PAN3: variants seen among roughly 807,000 people sequenced by gnomAD.
PAN3 encodes the protein PAN2-PAN3 deadenylation complex subunit PAN3.
Under a neutral mutation model 96.2 loss-of-function variants are expected in PAN3, and 19 were observed. The observed-to-expected ratio is 0.20, with a 90% CI of 0.14 to 0.29. PAN3 has a LOEUF of 0.29. PAN3 is among the 10% of genes least tolerant of loss of function. The probability of loss-of-function intolerance (pLI) is 1.00; values close to 1 mark genes in which losing one functional copy is unlikely to be tolerated. For missense variants in PAN3, 882 were observed against 1,108.1 expected (o/e 0.80, Z 2.90); for synonymous variants, 433 against 406.6 (o/e 1.06, Z -0.78).
chr13:28,271,731 G>A (rs1006902648), intron 13 of PAN3, among the ~76,000 whole-genome samples: 3 of 152,174 alleles, frequency 2.0e-5, no homozygotes, highest in Admixed American at 1.3e-4. Context: ...TTAGTCAAGA[G>A]ATGTGAGTTA....
At chr13:28,141,443 ATTTTCTTTTTCTTTTTTTCT>A (rs1375920512) in intron 1 of PAN3, among the ~76,000 whole-genome samples, 5 of 117,564 alleles carry the variant, frequency 4.3e-5, no homozygotes, top group Admixed American at 8.7e-5. Flanking sequence ...TCATTCTAGG[ATTTTCTTTTTCTTTTTTTCT>A]TTTTTTTTTT....
At chr13:28,219,427 C>T (rs1308812413) in intron 5 of PAN3, among the ~76,000 whole-genome samples, 1 of 151,784 alleles carries the variant, frequency 6.6e-6, no homozygotes, top group East Asian at 1.9e-4. Context: ...GAACTCTTAA[C>T]TCATTCAAAT....
chr13:28,212,386 CAAG>C (rs549072455), intron 5 of PAN3, among the ~76,000 whole-genome samples: 272 of 152,028 alleles, frequency 1.8e-3, no homozygotes, highest in African/African-American at 6.2e-3. Flanking sequence ...GAGCAAAGGT[CAAG>C]AAGATTTATA....
chr13:28,156,992 C>CAAAA lies in PAN3; in HGVS notation c.431-17256_431-17253dup, dbSNP rs35448291. Among the ~76,000 whole-genome samples, 73 of 18,438 alleles carry CAAAA rather than the reference C, an allele frequency of 4.0e-3. 5 individuals carry two copies. The highest frequency in any genetic ancestry group is 0.011 in the African/African-American group (65 of 6,012). 12.1% of individuals were successfully genotyped at this position (18,438 alleles called of 152,430 possible). A position where few individuals can be genotyped will look rare whatever the true frequency, so the allele number is the denominator to read the frequency against. On this transcript the variant is annotated intron_variant, in intron 1 of 18. Coordinates refer to ENST00000380958, the MANE Select transcript of PAN3 (RefSeq NM_175854.8). ...CCTGGGCAACAGAGTGAGACCCTGT[C>CAAAA]AAAAAAAAAAAAAAAAAAAAAAAAA...
intron 4 of PAN3, among the ~76,000 whole-genome samples, chr13:28,182,847 C>T (rs1187754514): frequency 6.6e-6 from 1 of 152,172 alleles, no homozygotes; most frequent in Non-Finnish European, 1.5e-5. Context: ...CCATCTCTCT[C>T]TGTTACAAAA....
chr13:28,155,434 C>A (rs1047791948), intron 1 of PAN3, among the ~76,000 whole-genome samples: 6 of 151,702 alleles, frequency 4.0e-5, no homozygotes, highest in African/African-American at 1.5e-4. Flanking sequence ...ACCAAAAATA[C>A]AAAAATTTAG....
chr13:28,164,605 A>G (rs771452493), intron 1 of PAN3, among the ~76,000 whole-genome samples: 2 of 152,174 alleles, frequency 1.3e-5, no homozygotes, highest in Non-Finnish European at 2.9e-5. Flanking sequence ...AAGTACTCTG[A>G]CTTCTTTTTG....
At chr13:28,271,102 G>T (rs896702037) in intron 13 of PAN3, among the ~76,000 whole-genome samples, 1 of 152,098 alleles carries the variant, frequency 6.6e-6, no homozygotes, top group Non-Finnish European at 1.5e-5. Flanking sequence ...ATGTGGTTAG[G>T]GTTAGGGGAA....
chr13:28,154,876 A>G (rs534294535), intron 1 of PAN3, among the ~76,000 whole-genome samples: 97 of 145,174 alleles, frequency 6.7e-4, no homozygotes, highest in Non-Finnish European at 1.3e-3. Flanking sequence ...GCTGTAGTGC[A>G]GTGGCGCGAT....
rs1014428213 is a variant in PAN3, at chr13:28,294,825, T to A, written c.*2303T>A. On this transcript the variant is annotated 3_prime_UTR_variant, in exon 19 of 19. Coordinates refer to ENST00000380958, the MANE Select transcript of PAN3 (RefSeq NM_175854.8). ...TGGTGTCAGGTAATGCATATTTTTTTAAGCTTTGTTTTATATTTATTTTTC... is the reference window on the plus strand; with the variant it reads ...TGGTGTCAGGTAATGCATATTTTTTAAAGCTTTGTTTTATATTTATTTTTC... 2.0e-5 allele frequency: 3 copies of A among 152,288 alleles called. No homozygotes were observed. The highest frequency in any genetic ancestry group is 7.2e-5 in the African/African-American group (3 of 41,470). The allele number at this position is 152,288 out of a possible 1,614,324, so 9.4% of individuals were successfully genotyped here. A position where few individuals can be genotyped will look rare whatever the true frequency, so the allele number is the denominator to read the frequency against.
chr13:28,177,684 A>C (rs1875214364), intron 3 of PAN3, among the ~76,000 whole-genome samples, 181 bp from the exon 4 acceptor site: 1 of 152,214 alleles, frequency 6.6e-6, no homozygotes, highest in Non-Finnish European at 1.5e-5. Context: ...ATATTTGAGC[A>C]AATTGGTTCA....
At chr13:28,248,167 T>C (rs1884386669) in intron 6 of PAN3, among the ~76,000 whole-genome samples, 1 of 152,212 alleles carries the variant, frequency 6.6e-6, no homozygotes, top group Admixed American at 6.5e-5. Context: ...ATATTCTATA[T>C]TTTTTGTAGC....
At chr13:28,210,949 G>T (rs1000928068) in intron 5 of PAN3, among the ~76,000 whole-genome samples, 2 of 152,148 alleles carry the variant, frequency 1.3e-5, no homozygotes, top group African/African-American at 4.8e-5. Flanking sequence ...CTGTCATCCA[G>T]GCTGGAGGGT....
chr13:28,161,776 C>T (rs1354166125), intron 1 of PAN3, among the ~76,000 whole-genome samples: 1 of 152,182 alleles, frequency 6.6e-6, no homozygotes, highest in Non-Finnish European at 1.5e-5. Context: ...TCATTAATTG[C>T]TGTTTTCTGA....
chr13:28,230,272 G>T (rs111751066), intron 6 of PAN3, among the ~76,000 whole-genome samples: 226 of 151,984 alleles, frequency 1.5e-3, no homozygotes, highest in African/African-American at 5.2e-3. Flanking sequence ...TCTGGGAAAC[G>T]GATTCCTTCC....
chr13:28,295,089 T>G lies in PAN3; in HGVS notation c.*2567T>G, dbSNP rs1870164729. 2 of 152,232 alleles carry G rather than the reference T, an allele frequency of 1.3e-5. No individual in the cohort carries two copies. The highest frequency in any genetic ancestry group is 4.8e-5 in the African/African-American group (2 of 41,460). 9.4% of individuals were successfully genotyped at this position (152,232 alleles called of 1,614,324 possible). A position where few individuals can be genotyped will look rare whatever the true frequency, so the allele number is the denominator to read the frequency against. On this transcript the variant is annotated 3_prime_UTR_variant, in exon 19 of 19. Coordinates refer to ENST00000380958, the MANE Select transcript of PAN3 (RefSeq NM_175854.8). ...AACCCTTGAAATCATGTAACGTTGG[T>G]CATTTCAATATTTTGTACCTGTTTT...
At position 28,288,020 on chromosome 13, in the gene PAN3, C is replaced by T. The variant is rs1394361715; in HGVS notation, c.2421C>T (p.Asp807=). The change falls in exon 18 of 19, where the codon GAC becomes GAT. Residue 807 remains aspartate (D), a synonymous_variant. Transcript: ENST00000380958. The part of the protein sequence containing the change: ...QKDPTWSETG[D]RYLLKLFRDH... The stretch of plus-strand genomic sequence containing the variant: ...ATCCCACTTGGTCAGAGACTGGAGA[C>T]CGTTATCTGTTGAAACTCTTTAGGG... The T allele has an allele frequency of 6.2e-7, 1 of 1,613,254 alleles. No individual in the cohort carries two copies. Among genetic ancestry groups the T allele is most frequent in the East Asian group, 2.2e-5 (1 of 44,816 alleles).
At chr13:28,292,164 T>G (rs150227894) in intron 18 of PAN3, among the ~76,000 whole-genome samples, 1 of 152,288 alleles carries the variant, frequency 6.6e-6, no homozygotes, top group African/African-American at 2.4e-5. Context: ...CAAACAAACG[T>G]TAAGCGTGAA....
intron 1 of PAN3, among the ~76,000 whole-genome samples, chr13:28,153,639 C>G (rs1459416006): frequency 6.6e-6 from 1 of 152,160 alleles, no homozygotes; most frequent in East Asian, 1.9e-4. Flanking sequence ...ACTTCGATTT[C>G]TGTATTTCTG....
Sources: allele counts gnomAD v4.1 joint callset (sites outside exome capture counted in the v4.1 genomes callset), GRCh38; gene constraint gnomAD v4.1.1; transcripts MANE v1.5; gene names NCBI Gene and HGNC (gene_info 2026-07-23, HGNC 2026-07-21).